Variants in PIP5K1B observed in about 807,000 individuals in gnomAD.
PIP5K1B encodes the protein phosphatidylinositol-4-phosphate 5-kinase type 1 beta.
PIP5K1B carries 42 observed loss-of-function variants against 67.0 expected under a neutral mutation model. That is an observed-to-expected ratio of 0.63 (90% CI 0.49 to 0.81). The LOEUF (loss-of-function observed/expected upper bound fraction) is 0.81. Ranked by LOEUF, PIP5K1B falls within the 30% of genes least tolerant of loss-of-function variation. PIP5K1B has a pLI of 0.00. For missense variants in PIP5K1B, 459 were observed against 646.3 expected (o/e 0.71, Z 3.14); for synonymous variants, 214 against 231.4 (o/e 0.92, Z 0.68).
intron 2 of PIP5K1B, among the ~76,000 whole-genome samples, chr9:68,753,618 G>T (rs981038410): frequency 7.7e-6 from 1 of 130,410 alleles, no homozygotes; most frequent in African/African-American, 2.9e-5. Context: ...TCCACCTCCT[G>T]GGTTCACGCC....
chr9:68,935,138 C>T (rs1050847994), intron 13 of PIP5K1B, 93 bp downstream of exon 13: 4 of 1,020,174 alleles, frequency 3.9e-6, no homozygotes, highest in Non-Finnish European at 5.9e-6. Context: ...AATACCTGCT[C>T]TAAGAAATAA....
At chr9:68,981,746 G>C (rs1420537765) in intron 14 of PIP5K1B, among the ~76,000 whole-genome samples, 1 of 152,062 alleles carries the variant, frequency 6.6e-6, no homozygotes, top group African/African-American at 2.4e-5. Flanking sequence ...GTCCAGCCAG[G>C]CTAATGCTCT....
chr9:68,738,062 A>G (rs924090753), intron 1 of PIP5K1B, among the ~76,000 whole-genome samples: 2 of 152,254 alleles, frequency 1.3e-5, no homozygotes, highest in African/African-American at 4.8e-5. Flanking sequence ...TCGTCAGCCT[A>G]GAAAGAGGTT....
At chr9:68,748,724 C>T (rs1829460819) in intron 2 of PIP5K1B, among the ~76,000 whole-genome samples, 2 of 147,870 alleles carry the variant, frequency 1.4e-5, no homozygotes, top group African/African-American at 5.0e-5. Context: ...CAGGTTCAAG[C>T]GATTCTCCTG....
intron 1 of PIP5K1B, among the ~76,000 whole-genome samples, chr9:68,729,365 CT>C (rs1828308038): frequency 6.6e-6 from 1 of 152,080 alleles, no homozygotes; most frequent in South Asian, 2.1e-4. Flanking sequence ...CTCTTGCTTT[CT>C]GTTACCTAGG....
At chr9:68,958,741 T>C (rs1828546359) in intron 14 of PIP5K1B, among the ~76,000 whole-genome samples, 1 of 152,236 alleles carries the variant, frequency 6.6e-6, no homozygotes. Context: ...GTTGGAAAGT[T>C]ATCATAATGC....
At chr9:68,992,488 A>C (rs1245667934) in intron 15 of PIP5K1B, among the ~76,000 whole-genome samples, 1 of 152,038 alleles carries the variant, frequency 6.6e-6, no homozygotes, top group African/African-American at 2.4e-5. Context: ...AATTTCTCAC[A>C]AGTGCTCTGC....
chr9:68,933,057 G>A (rs1041854489), intron 12 of PIP5K1B, among the ~76,000 whole-genome samples: 3 of 150,478 alleles, frequency 2.0e-5, no homozygotes, highest in Non-Finnish European at 4.4e-5. Context: ...CCGAGATTGC[G>A]CCATTCTCTC....
intron 12 of PIP5K1B, among the ~76,000 whole-genome samples, chr9:68,924,401 C>CAAAAAAAAAAAAAAA (rs71353093): frequency 8.1e-5 from 7 of 86,764 alleles, no homozygotes; most frequent in South Asian, 3.8e-4. Context: ...CACTGCGCCT[C>CAAAAAAAAAAAAAAA]AAAAAAAAAA....
At chr9:68,885,631 T>A (rs1371526855) in intron 6 of PIP5K1B, among the ~76,000 whole-genome samples, 1 of 151,606 alleles carries the variant, frequency 6.6e-6, no homozygotes, top group Non-Finnish European at 1.5e-5. Context: ...GGAGCTAAGC[T>A]ATGGGTATGC....
At chr9:68,878,725 G>A (rs951124515) in intron 6 of PIP5K1B, among the ~76,000 whole-genome samples, 19 of 152,168 alleles carry the variant, frequency 1.2e-4, no homozygotes, top group Non-Finnish European at 1.5e-5. Flanking sequence ...AACTCTACCA[G>A]GCAATAAATG....
intron 6 of PIP5K1B, among the ~76,000 whole-genome samples, chr9:68,885,191 TGAAAG>T (rs1824405523): frequency 6.6e-6 from 1 of 152,186 alleles, no homozygotes; most frequent in Admixed American, 6.5e-5. Context: ...ATGTGCTAAC[TGAAAG>T]GAGCCAGGCA....
chr9:68,986,633 T>A (rs544122413), intron 14 of PIP5K1B, among the ~76,000 whole-genome samples: 1 of 152,312 alleles, frequency 6.6e-6, no homozygotes, highest in African/African-American at 2.4e-5. Context: ...TTTATCAAAT[T>A]TTGACCTTAT....
chr9:68,964,742 A>G (rs553578208), intron 14 of PIP5K1B, among the ~76,000 whole-genome samples: 1 of 152,376 alleles, frequency 6.6e-6, no homozygotes, highest in South Asian at 2.1e-4. Context: ...GCCATCTGGG[A>G]AGACTACCGT....
chr9:68,801,346 T>A (rs978426583), intron 2 of PIP5K1B, among the ~76,000 whole-genome samples: 1 of 152,172 alleles, frequency 6.6e-6, no homozygotes. Context: ...GGATTGCTAA[T>A]AATCACAACA....
chr9:68,914,963 G>A (rs909372463), intron 8 of PIP5K1B, among the ~76,000 whole-genome samples: 2 of 152,214 alleles, frequency 1.3e-5, no homozygotes, highest in African/African-American at 4.8e-5. Flanking sequence ...AACACCTGTT[G>A]TCTCTTGAGC....
chr9:68,757,346 T>C (rs915991444), intron 2 of PIP5K1B, among the ~76,000 whole-genome samples: 6 of 152,218 alleles, frequency 3.9e-5, no homozygotes, highest in Admixed American at 2.0e-4. Context: ...GAAGGTGGCT[T>C]AAAAGAAAGA....
In PIP5K1B at chr9:68,792,549, G is replaced by C. The variant is rs1347827078; in HGVS notation, c.-85-25912G>C. Among the ~76,000 whole-genome samples, 4 of 152,126 alleles carry C rather than the reference G, an allele frequency of 2.6e-5. No homozygotes were observed. In the East Asian group the frequency reaches 5.8e-4, roughly 22 times the overall value. On this transcript the variant is annotated intron_variant, in intron 2 of 15. Coordinates refer to ENST00000265382, the MANE Select transcript of PIP5K1B (RefSeq NM_003558.4). ...GGTTGGAGTGCAGTGGCGCGATCTC[G>C]GTTCACTGCAAGCTCCGCCTTCCAG...
intron 3 of PIP5K1B, among the ~76,000 whole-genome samples, chr9:68,820,205 C>G (rs2132062480): frequency 6.6e-6 from 1 of 152,222 alleles, no homozygotes; most frequent in South Asian, 2.1e-4. Context: ...AGTTGAAGGC[C>G]TGTATTTTAC....
Sources: allele counts gnomAD v4.1 joint callset (sites outside exome capture counted in the v4.1 genomes callset), GRCh38; gene constraint gnomAD v4.1.1; transcripts MANE v1.5; gene names NCBI Gene and HGNC (gene_info 2026-07-23, HGNC 2026-07-21).